FYCO1: variants seen among roughly 807,000 people sequenced by gnomAD.
The protein encoded by FYCO1 is FYVE and coiled-coil domain autophagy adaptor 1.
In FYCO1, 122 loss-of-function variants were observed where a neutral mutation model predicts 165.1. That is an observed-to-expected ratio of 0.74 (90% CI 0.64 to 0.86). The LOEUF (loss-of-function observed/expected upper bound fraction) is 0.86. Ranked by LOEUF, FYCO1 falls within the 40% of genes least tolerant of loss-of-function variation. FYCO1 has a pLI of 0.00. For missense variants in FYCO1, 1,702 were observed against 1,810.3 expected (o/e 0.94, Z 1.09); for synonymous variants, 648 against 742.5 (o/e 0.87, Z 2.07).
chr3:45,950,437 C>T (rs978220640), intron 14 of FYCO1, among the ~76,000 whole-genome samples: 3 of 152,034 alleles, frequency 2.0e-5, no homozygotes, highest in South Asian at 2.1e-4. Flanking sequence ...AGGTGTCCTC[C>T]GTAGGTGTTC....
In FYCO1 at chr3:45,962,434, C is replaced by T. The variant is rs1478714566; in HGVS notation, c.3270-42G>A. On this transcript the variant is annotated intron_variant, in intron 10 of 17. Coordinates refer to ENST00000296137, the MANE Select transcript of FYCO1 (RefSeq NM_024513.4). This position sits in a 1 kb window ranked among gnomAD's most constrained non-coding sequence, Gnocchi z 4.4. ...AAGTTTTCTTGATTAGCCAGGACTT[C>T]CAGCTTTCCCAGGGCTCTAAGCTCA... 2 of 1,576,586 alleles carry T rather than the reference C, an allele frequency of 1.3e-6. No individual in the cohort carries two copies. Among genetic ancestry groups the T allele is most frequent in the Non-Finnish European group, 1.7e-6 (2 of 1,146,132 alleles).
intron 15 of FYCO1, among the ~76,000 whole-genome samples, chr3:45,931,888 G>A (rs1358385602): frequency 6.6e-6 from 1 of 152,178 alleles, no homozygotes; most frequent in Non-Finnish European, 1.5e-5. Flanking sequence ...CAACGGTTTT[G>A]GGGAGAAAAG....
At chr3:45,982,080 G>T (rs1287876768) in intron 2 of FYCO1, among the ~76,000 whole-genome samples, 1 of 152,144 alleles carries the variant, frequency 6.6e-6, no homozygotes, top group East Asian at 1.9e-4. Context: ...CTCATTATAG[G>T]TAAGCGCAGG....
At chr3:45,979,643 C>A in intron 4 of FYCO1, 62 bp downstream of exon 4, 3 of 1,603,394 alleles carry the variant, frequency 1.9e-6, no homozygotes, top group Non-Finnish European at 2.6e-6. Context: ...AAGGTCTCTG[C>A]AAGAGCTGCT....
chr3:45,923,735 G>A lies in FYCO1; in HGVS notation c.4282C>T (p.His1428Tyr). Residue 1428 changes from histidine (H) to tyrosine (Y), a missense_variant, in exon 17 of 18, where the codon CAC becomes TAC. Physicochemically the swap from His to Tyr is moderately conservative, Grantham distance 83. Transcript: ENST00000296137. ...AGCTGGCCCTGGATGTTCTCCTTGT[G>A]GGAGTTGCATCGGGTCGTGGGAATG... is the stretch of plus-strand genomic sequence containing the variant. The part of the protein sequence containing the change: ...VLIPTTRCNS[H>Y]KENIQGQLKV... The A allele has an allele frequency of 6.2e-7, 1 of 1,614,140 alleles. No homozygotes were observed. The highest frequency in any genetic ancestry group is 2.2e-5 in the East Asian group (1 of 44,878).
chr3:45,943,252 G>A (rs1433700690), intron 14 of FYCO1, among the ~76,000 whole-genome samples: 5 of 152,212 alleles, frequency 3.3e-5, no homozygotes, highest in Non-Finnish European at 7.4e-5. Context: ...TTTAGTTTAC[G>A]AATAAAGCTC....
In FYCO1 at chr3:45,985,014, T is replaced by A; in HGVS notation, c.-104A>T. 9.7e-7 allele frequency: 1 copy of A among 1,034,148 alleles called. No individual in the cohort carries two copies. The highest frequency in any genetic ancestry group is 1.5e-6 in the Non-Finnish European group (1 of 652,170). 64.1% of individuals were successfully genotyped at this position (1,034,148 alleles called of 1,614,324 possible). ...TCTGCTCAGCAGTGGTCAGACTCCA[T>A]GGTGGCACCTGCACAGAGGAAGGGG... On this transcript the variant is annotated 5_prime_UTR_variant, in exon 2 of 18. It removes an upstream start codon present in the reference 5' UTR. Transcript: ENST00000296137.
In FYCO1 at chr3:45,960,346, C is replaced by T. The variant is rs1705624684; in HGVS notation, c.3438-804G>A. Among the ~76,000 whole-genome samples, 4 of 152,334 alleles carry T rather than the reference C, an allele frequency of 2.6e-5. No individual in the cohort carries two copies. The South Asian group carries it at 8.3e-4, about 32-fold the overall frequency. On this transcript the variant is annotated intron_variant, in intron 11 of 17. Coordinates refer to ENST00000296137, the MANE Select transcript of FYCO1 (RefSeq NM_024513.4). ...CGAGCCACTCAGGTCCTGAGAGAGA[C>T]AGGCTCCATCACTGACCAGGAACTC...
At position 45,966,288 on chromosome 3, in the gene FYCO1, T is replaced by C. The variant is rs1706006490; in HGVS notation, c.3046A>G (p.Ser1016Gly). 1 of 1,614,082 alleles carries C rather than the reference T, an allele frequency of 6.2e-7. No individual in the cohort carries two copies. The highest frequency in any genetic ancestry group is 8.5e-7 in the Non-Finnish European group (1 of 1,180,038). The change falls in exon 8 of 18, where the codon AGC becomes GGC. Residue 1016 changes from serine to glycine, a missense_variant. Transcript: ENST00000296137. Reference sequence around the variant, plus strand: ...GAAGCTAGGATTACCTTAAGTCTGCTCTGGTAGTCCATGATTTCAGCACTC... The same window carrying C: ...GAAGCTAGGATTACCTTAAGTCTGCCCTGGTAGTCCATGATTTCAGCACTC... ...QLSAEIMDYQ[S>G]RLKNAGEECK...
Position 45,966,951 on chromosome 3 carries a change from G to T in FYCO1, c.2383C>A (p.Leu795Ile). 6.2e-7 allele frequency: 1 copy of T among 1,613,642 alleles called. No individual in the cohort carries two copies. Residue 795 changes from leucine to isoleucine, a missense_variant, in exon 8 of 18, where the codon CTC becomes ATC. Transcript: ENST00000296137. ...AGGGCTGCCCGCATCTTGGCCTGGA[G>T]GTCCACCACCTGAGCCTGCAGCCGT... ...VQRLQAQVVD[L>I]QAKMRAALDD... is the part of the protein sequence containing the mutation.
Position 45,955,275 on chromosome 3 carries a change from A to C in FYCO1, c.3918T>G (p.Asp1306Glu), listed in dbSNP as rs1705244759. The C allele has an allele frequency of 6.2e-7, 1 of 1,614,002 alleles. No homozygotes were observed. The highest frequency in any genetic ancestry group is 1.3e-5 in the African/African-American group (1 of 74,932). ...SSLPETPTET[D>E]SLDPNAAEQD... ...GTTCAGCCGCATTTGGGTCGAGAGA[A>C]TCAGTTTCAGTGGGTGTTTCAGGCA... The change falls in exon 14 of 18, where the codon GAT becomes GAG. Residue 1306 changes from aspartate (D) to glutamate (E), a missense_variant. Physicochemically the swap from Asp to Glu is conservative, Grantham distance 45 (BLOSUM62 2). Transcript: ENST00000296137.
rs565055410 is a variant in FYCO1 at position 45,953,045 on chromosome 3, GT to G, written c.3944+2203del. ...GTAGACATGATCTTGGGTCTGGTGAGTTTGGTGATCAGGCTGGCTTTATCCA... is the reference window on the plus strand; with the variant it reads ...GTAGACATGATCTTGGGTCTGGTGAGTTGGTGATCAGGCTGGCTTTATCCA... On this transcript the variant is annotated intron_variant, in intron 14 of 17. Coordinates refer to ENST00000296137, the MANE Select transcript of FYCO1 (RefSeq NM_024513.4). Among the ~76,000 whole-genome samples the G allele has an allele frequency of 2.4e-3, 366 of 152,326 alleles. 4 individuals are homozygous for G. The highest frequency in any genetic ancestry group is 8.4e-3 in the African/African-American group (350 of 41,574).
chr3:45,936,409 C>T (rs1459146393), intron 15 of FYCO1, 39 bp downstream of exon 15: 22 of 1,466,370 alleles, frequency 1.5e-5, no homozygotes, highest in Non-Finnish European at 2.1e-5. Flanking sequence ...CCTCCCAATG[C>T]CACACCTGGG....
Position 45,931,076 on chromosome 3 carries a change from A to G in FYCO1, c.4246T>C (p.Cys1416Arg), listed in dbSNP as rs1473551330. 2 of 1,613,318 alleles carry G rather than the reference A, an allele frequency of 1.2e-6. No homozygotes were observed. The highest frequency in any genetic ancestry group is 1.7e-5 in the Admixed American group (1 of 60,012). ...QEAEDTPLDQ[C>R]KVLIPTTRCN... ...GGCAGGGAGCCCAGCCTTACCTTACACTGATCCAGCGGTGTGTCCTCGGCC... is the reference window on the plus strand; with the variant it reads ...GGCAGGGAGCCCAGCCTTACCTTACGCTGATCCAGCGGTGTGTCCTCGGCC... Residue 1416 changes from cysteine (C) to arginine (R), a missense_variant, in exon 16 of 18, where the codon TGT (cysteine) becomes CGT (arginine). Transcript: ENST00000296137.
chr3:45,989,030 A>C (rs1042694232), intron 1 of FYCO1, among the ~76,000 whole-genome samples: 1 of 152,176 alleles, frequency 6.6e-6, no homozygotes, highest in Non-Finnish European at 1.5e-5. Flanking sequence ...TTGCCCAGAA[A>C]CTGGCTCAGA....
chr3:45,918,095 G>A lies in FYCO1; in HGVS notation c.*3670C>T, dbSNP rs1172364756. ...CAGATAAGAATGAATTGGGGTCCCA[G>A]ACCCACCATCCCGTAAGGCCACATG... On this transcript the variant is annotated 3_prime_UTR_variant, in exon 18 of 18. Transcript: ENST00000296137. 6.6e-6 allele frequency: 1 copy of A among 152,578 alleles called. No individual in the cohort carries two copies. The highest frequency in any genetic ancestry group is 6.5e-5 in the Admixed American group (1 of 15,276). 9.5% of individuals were successfully genotyped at this position (152,578 alleles called of 1,614,324 possible).
Position 45,966,600 on chromosome 3 carries a change from C to A in FYCO1, c.2734G>T (p.Val912Phe). 2.5e-6 allele frequency: 4 copies of A among 1,614,210 alleles called. No individual in the cohort carries two copies. The highest frequency in any genetic ancestry group is 1.1e-5 in the South Asian group (1 of 91,090). The part of the protein sequence containing the change: ...NTDTAELGIQ[V>F]CALTVEKERV... ...TCCTTTTCCACGGTCAGTGCGCAAACCTGGATGCCCAGCTCAGCTGTGTCT... is the reference window on the plus strand; with the variant it reads ...TCCTTTTCCACGGTCAGTGCGCAAAACTGGATGCCCAGCTCAGCTGTGTCT... Residue 912 changes from valine to phenylalanine, a missense_variant, in exon 8 of 18, where the codon GTT becomes TTT. By Grantham distance (50) the Val-to-Phe change is conservative. Transcript: ENST00000296137.
In FYCO1 at chr3:45,973,221, A is replaced by G. The variant is rs781299514; in HGVS notation, c.406T>C (p.Tyr136His). 12 of 1,614,020 alleles carry G rather than the reference A, an allele frequency of 7.4e-6. No individual in the cohort carries two copies. The highest frequency in any genetic ancestry group is 1.6e-4 in the Middle Eastern group (1 of 6,084). The change falls in exon 6 of 18, where the codon TAT becomes CAT. Residue 136 changes from tyrosine (Y) to histidine (H), a missense_variant. Transcript: ENST00000296137. ...MNTKVTSDWYYARSPFLQPKL... is the reference protein window; with the variant it reads ...MNTKVTSDWYHARSPFLQPKL... ...GGCTGCAGAAAGGGGCTTCTTGCAT[A>G]GTACCAGTCACTGCAGAAAAACATG...
At position 45,967,653 on chromosome 3, in the gene FYCO1, C is replaced by T. The variant is rs1334740904; in HGVS notation, c.1681G>A (p.Gly561Ser). The T allele has an allele frequency of 1.2e-6, 2 of 1,612,158 alleles. No individual in the cohort carries two copies. The highest frequency in any genetic ancestry group is 2.7e-5 in the African/African-American group (2 of 74,946). The change falls in exon 8 of 18, where the codon GGC becomes AGC. Residue 561 changes from glycine to serine, a missense_variant. Physicochemically the swap from Gly to Ser is moderately conservative, Grantham distance 56. Coordinates refer to ENST00000296137, the MANE Select transcript of FYCO1 (RefSeq NM_024513.4). ...GMLERLAGPP[G>S]PELPVAGEKN... is the part of the protein sequence containing the mutation. The stretch of plus-strand genomic sequence containing the variant: ...TCACCTGCCACTGGCAGTTCTGGGC[C>T]AGGCGGCCCAGCAAGCCGCTCGAGC...
Sources: allele counts gnomAD v4.1 joint callset (sites outside exome capture counted in the v4.1 genomes callset), GRCh38; gene constraint gnomAD v4.1.1; non-coding constraint Gnocchi (gnomAD v3.1); transcripts MANE v1.5; gene names NCBI Gene and HGNC (gene_info 2026-07-23, HGNC 2026-07-21).